The following PDZRN4 variants were observed in gnomAD, a reference collection of about 807,000 sequenced individuals.
PDZRN4 encodes the protein PDZ domain containing ring finger 4.
A neutral mutation model predicts 99.0 loss-of-function variants in PDZRN4; 70 were observed. That is an observed-to-expected ratio of 0.71 (90% CI 0.58 to 0.86). The LOEUF (loss-of-function observed/expected upper bound fraction) is 0.86. Ranked by LOEUF, PDZRN4 falls within the 40% of genes least tolerant of loss-of-function variation. The pLI is 0.00. For synonymous variants in PDZRN4, 551 were observed against 501.6 expected (o/e 1.10, Z -1.32); for missense variants, 1,474 against 1,331.2 (o/e 1.11, Z -1.67).
rs192091835 is a variant in PDZRN4 at position 41,555,036 on chromosome 12, A to G, written c.1303-662A>G. On this transcript the variant is annotated intron_variant, in intron 6 of 9. Transcript: ENST00000402685. ...ATCCGGGCTAACACGGTGAAACCCCATCTCTACTAAAAATACAAAAAAAAA... is the reference window on the plus strand; with the variant it reads ...ATCCGGGCTAACACGGTGAAACCCCGTCTCTACTAAAAATACAAAAAAAAA... 7.9e-3 allele frequency among the ~76,000 whole-genome samples: 1,106 copies of G among 139,442 alleles called. 15 individuals carry two copies. Among genetic ancestry groups the G allele is most frequent in the Non-Finnish European group, 0.01 (676 of 65,682 alleles). 91.5% of individuals were successfully genotyped at this position (139,442 alleles called of 152,430 possible).
chr12:41,539,133 A>AT (rs1175043299), intron 5 of PDZRN4, among the ~76,000 whole-genome samples: 2 of 151,902 alleles, frequency 1.3e-5, no homozygotes. Flanking sequence ...TAATATATAT[A>AT]TTTTGTGGGA....
intron 5 of PDZRN4, among the ~76,000 whole-genome samples, chr12:41,513,737 G>C (rs975371846): frequency 6.6e-6 from 1 of 151,952 alleles, no homozygotes; most frequent in Non-Finnish European, 1.5e-5. Flanking sequence ...TAATTTAAAG[G>C]GAAAGGTTTT....
chr12:41,342,881 T>C (rs2121018487), intron 3 of PDZRN4, among the ~76,000 whole-genome samples: 2 of 151,932 alleles, frequency 1.3e-5, no homozygotes, highest in South Asian at 2.1e-4. Context: ...AAAATGAAAT[T>C]TGTACATAGA....
chr12:41,194,856 C>T (rs985680950), intron 3 of PDZRN4, among the ~76,000 whole-genome samples: 1 of 151,986 alleles, frequency 6.6e-6, no homozygotes, highest in Non-Finnish European at 1.5e-5. Context: ...TGTTGAGGAA[C>T]ATTTCTGATG....
chr12:41,481,164 T>C (rs1042490143), intron 3 of PDZRN4, among the ~76,000 whole-genome samples: 1 of 152,072 alleles, frequency 6.6e-6, no homozygotes. Flanking sequence ...CTGTGAGCCA[T>C]GTCATGATCT....
At chr12:41,375,773 A>G (rs947797431) in intron 3 of PDZRN4, among the ~76,000 whole-genome samples, 1 of 152,074 alleles carries the variant, frequency 6.6e-6, no homozygotes, top group African/African-American at 2.4e-5. Flanking sequence ...TTGTGAGGTG[A>G]CAACATTTAA....
intron 3 of PDZRN4, among the ~76,000 whole-genome samples, chr12:41,246,913 G>A (rs1235640302): frequency 1.3e-5 from 2 of 152,146 alleles, no homozygotes; most frequent in Non-Finnish European, 2.9e-5. Flanking sequence ...GAAAGGTACA[G>A]AGATCATTCT....
At chr12:41,346,032 T>C (rs1347206864) in intron 3 of PDZRN4, among the ~76,000 whole-genome samples, 1 of 152,186 alleles carries the variant, frequency 6.6e-6, no homozygotes, top group Non-Finnish European at 1.5e-5. Flanking sequence ...TTTTCTCATT[T>C]AATCTTGAAA....
At chr12:41,322,651 C>G (rs549191613) in intron 3 of PDZRN4, among the ~76,000 whole-genome samples, 2 of 151,576 alleles carry the variant, frequency 1.3e-5, no homozygotes, top group Non-Finnish European at 2.9e-5. Context: ...CCACCACGCC[C>G]GGCTAATTAT....
chr12:41,506,744 T>A (rs1484484808), intron 4 of PDZRN4, 32 bp downstream of exon 4: 1 of 1,570,978 alleles, frequency 6.4e-7, no homozygotes. Flanking sequence ...CAAAGCCCTG[T>A]TTGTTTCCAT....
intron 3 of PDZRN4, among the ~76,000 whole-genome samples, chr12:41,222,768 AC>A (rs1950966465): frequency 6.6e-6 from 1 of 151,626 alleles, no homozygotes; most frequent in African/African-American, 2.4e-5. Flanking sequence ...CAAGTGATCC[AC>A]CCGCCTCAGC....
Position 41,239,687 on chromosome 12 carries a change from G to A in PDZRN4, c.843+45499G>A, listed in dbSNP as rs75480947. ...TCAAATAAGTCATTTTCAAGAAATC[G>A]GATTTTATTTTACGAAGCTTTAGAA... is the stretch of plus-strand genomic sequence containing the variant. On this transcript the variant is annotated intron_variant, in intron 3 of 9. Transcript: ENST00000402685. 2.3e-3 allele frequency among the ~76,000 whole-genome samples: 343 copies of A among 152,192 alleles called. 2 individuals are homozygous for A. The highest frequency in any genetic ancestry group is 7.7e-3 in the African/African-American group (320 of 41,524).
chr12:41,508,932 A>G (rs577036156), intron 4 of PDZRN4, among the ~76,000 whole-genome samples: 1 of 152,268 alleles, frequency 6.6e-6, no homozygotes, highest in African/African-American at 2.4e-5. Context: ...TGTCAATTGT[A>G]TTTAGGCTTT....
chr12:41,445,280 AT>A (rs1178675658), intron 3 of PDZRN4, among the ~76,000 whole-genome samples: 1 of 152,080 alleles, frequency 6.6e-6, no homozygotes, highest in Non-Finnish European at 1.5e-5. Flanking sequence ...AAATTATTTA[AT>A]TTCAATTTTG....
chr12:41,538,208 A>AG (rs895771114), intron 5 of PDZRN4, among the ~76,000 whole-genome samples: 2 of 152,204 alleles, frequency 1.3e-5, no homozygotes, highest in Admixed American at 1.3e-4. Flanking sequence ...TTAAAAAAAA[A>AG]GTAACCATCT....
At chr12:41,234,420 G>A (rs897473286) in intron 3 of PDZRN4, among the ~76,000 whole-genome samples, 2 of 152,030 alleles carry the variant, frequency 1.3e-5, no homozygotes, top group African/African-American at 4.8e-5. Flanking sequence ...TAGAACCTAG[G>A]CTGAGGGTAT....
chr12:41,252,230 G>A (rs1460502044), intron 3 of PDZRN4, among the ~76,000 whole-genome samples: 2 of 152,036 alleles, frequency 1.3e-5, no homozygotes, highest in Non-Finnish European at 2.9e-5. Flanking sequence ...TCTACTCCTA[G>A]GTATTTAATA....
intron 3 of PDZRN4, among the ~76,000 whole-genome samples, chr12:41,495,341 T>C (rs1345705137): frequency 6.6e-6 from 1 of 152,102 alleles, no homozygotes; most frequent in East Asian, 1.9e-4. Flanking sequence ...AATGCCTTTA[T>C]ATACTTAAAA....
chr12:41,565,307 T>C (rs761644755), intron 8 of PDZRN4, among the ~76,000 whole-genome samples: 25 of 151,590 alleles, frequency 1.6e-4, no homozygotes, highest in Admixed American at 3.3e-4. Context: ...AAAGAAACCT[T>C]CATGACACTG....
Sources: allele counts gnomAD v4.1 joint callset (sites outside exome capture counted in the v4.1 genomes callset), GRCh38; gene constraint gnomAD v4.1.1; transcripts MANE v1.5; gene names NCBI Gene and HGNC (gene_info 2026-07-23, HGNC 2026-07-21).